Variants in CD80 observed in about 807,000 individuals in gnomAD.
The protein encoded by CD80 is CD80 molecule.
Under a neutral mutation model 27.1 loss-of-function variants are expected in CD80, and 13 were observed. The observed-to-expected ratio is 0.48, with a 90% CI of 0.31 to 0.76. The LOEUF is 0.76. Among genes scored for constraint, CD80 ranks in the 30% least tolerant of loss-of-function variants. The pLI, the probability that CD80 is intolerant of heterozygous loss-of-function variation, is 0.04. For synonymous variants in CD80, 125 were observed against 125.5 expected, an observed-to-expected ratio of 1.00 and a Z score of 0.03; for missense variants, 277 against 347.9, an observed-to-expected ratio of 0.80 and a Z score of 1.62.
At chr3:119,537,618 A>T (rs2082146427) in intron 3 of CD80, among the ~76,000 whole-genome samples, 200 bp from the exon 4 acceptor site, 1 of 152,178 alleles carries the variant, frequency 6.6e-6, no homozygotes, top group Admixed American at 6.6e-5. Context: ...CCTGGCTAAC[A>T]TGGCAAAACC....
At chr3:119,555,957 GC>G (rs1384916583) in intron 2 of CD80, among the ~76,000 whole-genome samples, 1 of 152,284 alleles carries the variant, frequency 6.6e-6, no homozygotes, top group East Asian at 1.9e-4. Flanking sequence ...TGTAAAGCCT[GC>G]CCTCCTTCCT....
At chr3:119,527,387 T>G in intron 6 of CD80, 1 of 184,798 alleles carries the variant, frequency 5.4e-6, no homozygotes, top group African/African-American at 2.3e-5. Context: ...CCCCAACCCA[T>G]GTCCATCAAT....
intron 6 of CD80, chr3:119,527,413 GA>G: frequency 4.5e-6 from 1 of 221,686 alleles, no homozygotes. Context: ...GAGATAGAGG[GA>G]AAAATGAATG....
intron 4 of CD80, among the ~76,000 whole-genome samples, chr3:119,534,049 A>G (rs986248225): frequency 6.6e-6 from 1 of 152,180 alleles, no homozygotes; most frequent in Admixed American, 6.6e-5. Context: ...CACATGGGCC[A>G]AACCTGTCCT....
chr3:119,559,243 C>T (rs2082280097), intron 1 of CD80, among the ~76,000 whole-genome samples, 197 bp downstream of exon 1: 1 of 152,136 alleles, frequency 6.6e-6, no homozygotes, highest in South Asian at 2.1e-4. Context: ...TAATGGGCCA[C>T]AATTCTCACT....
intron 1 of CD80, among the ~76,000 whole-genome samples, chr3:119,558,187 AC>A (rs1216100053): frequency 6.6e-6 from 1 of 152,038 alleles, no homozygotes; most frequent in Non-Finnish European, 1.5e-5. Flanking sequence ...AGCTCTAAGG[AC>A]CCTCCATATC....
intron 2 of CD80, among the ~76,000 whole-genome samples, chr3:119,546,627 T>C (rs1327817904): frequency 6.6e-6 from 1 of 152,214 alleles, no homozygotes; most frequent in Non-Finnish European, 1.5e-5. Context: ...TCATTATTCA[T>C]GAATTCTCAC....
At chr3:119,533,689 C>T (rs2082121475) in intron 4 of CD80, among the ~76,000 whole-genome samples, 2 of 152,192 alleles carry the variant, frequency 1.3e-5, no homozygotes, top group Non-Finnish European at 2.9e-5. Flanking sequence ...TCCTTGCCTT[C>T]TGCCATGATT....
At chr3:119,533,441 T>C (rs2082120372) in intron 4 of CD80, among the ~76,000 whole-genome samples, 1 of 151,260 alleles carries the variant, frequency 6.6e-6, no homozygotes, top group East Asian at 1.9e-4. Context: ...AGTTATTTAC[T>C]GATATGGTTT....
At chr3:119,540,077 A>C (rs1034791495) in intron 3 of CD80, among the ~76,000 whole-genome samples, 8 of 152,172 alleles carry the variant, frequency 5.3e-5, no homozygotes, top group Non-Finnish European at 1.0e-4. Context: ...CTCAGCCTCC[A>C]GAGTAGCTGG....
At chr3:119,527,651 TA>T in intron 6 of CD80, 81 bp downstream of exon 6, 2 of 781,904 alleles carry the variant, frequency 2.6e-6, no homozygotes, top group Non-Finnish European at 2.2e-6. Flanking sequence ...AGGTAGTGGG[TA>T]AAACAGCTTA....
At chr3:119,538,080 C>G (rs1161373403) in intron 3 of CD80, among the ~76,000 whole-genome samples, 1 of 152,104 alleles carries the variant, frequency 6.6e-6, no homozygotes, top group Non-Finnish European at 1.5e-5. Context: ...TGGACCTTAC[C>G]TCATTTTGTC....
At chr3:119,527,606 T>C in intron 6 of CD80, 127 bp downstream of exon 6, 1 of 575,698 alleles carries the variant, frequency 1.7e-6, no homozygotes, top group East Asian at 2.9e-5. Flanking sequence ...CTTGTAACTG[T>C]TCAGCTTAAT....
intron 2 of CD80, among the ~76,000 whole-genome samples, chr3:119,545,534 G>T (rs1450118598): frequency 6.6e-6 from 1 of 151,812 alleles, no homozygotes; most frequent in African/African-American, 2.4e-5. Flanking sequence ...TCTGGCAATT[G>T]CCATTCTGTT....
intron 2 of CD80, among the ~76,000 whole-genome samples, chr3:119,555,067 C>G (rs2082255387): frequency 6.6e-6 from 1 of 152,168 alleles, no homozygotes; most frequent in Non-Finnish European, 1.5e-5. Context: ...CAGGCCCCAT[C>G]CCAGACCCAC....
rs373840808 is a variant in CD80 at position 119,527,784 on chromosome 3, A to G, written c.854T>C (p.Val285Ala). Residue 285 changes from valine (V) to alanine (A), a missense_variant, in exon 6 of 7, where the codon GTA (valine) becomes GCA (alanine). Transcript: ENST00000264246. ...RRNERLRRES[V>A]RPV ...CTGCGGACACTGTTATACAGGGCGT[A>G]CACTTTCCCTTCTCAATCTCTCATT... The G allele has an allele frequency of 6.2e-6, 10 of 1,613,868 alleles. No homozygotes were observed. In the African/African-American group the frequency reaches 1.3e-4, roughly 22 times the overall value.
At chr3:119,529,648 G>T (rs1430087519) in intron 5 of CD80, among the ~76,000 whole-genome samples, 194 bp downstream of exon 5, 7 of 152,184 alleles carry the variant, frequency 4.6e-5, no homozygotes, top group Non-Finnish European at 1.0e-4. Context: ...TGCCACACAC[G>T]TAGGAGGTGT....
intron 6 of CD80, 94 bp downstream of exon 6, chr3:119,527,639 T>A: frequency 1.5e-6 from 1 of 659,126 alleles, no homozygotes; most frequent in Non-Finnish European, 2.7e-6. Context: ...TTTAAGAAGG[T>A]GAGGTAGTGG....
At chr3:119,554,509 G>C (rs370913401) in intron 2 of CD80, among the ~76,000 whole-genome samples, 1 of 152,144 alleles carries the variant, frequency 6.6e-6, no homozygotes, top group Admixed American at 6.5e-5. Context: ...AAAGTCAGGC[G>C]TTTCTGCCTC....
Sources: allele counts gnomAD v4.1 joint callset (sites outside exome capture counted in the v4.1 genomes callset), GRCh38; gene constraint gnomAD v4.1.1; transcripts MANE v1.5; gene names NCBI Gene and HGNC (gene_info 2026-07-23, HGNC 2026-07-21).